The following NCOA2 variants were observed in gnomAD, a reference collection of about 807,000 sequenced individuals.
The protein encoded by NCOA2 is class E basic helix-loop-helix protein 75.
Under a neutral mutation model 145.1 loss-of-function variants are expected in NCOA2, and 21 were observed. The ratio of observed to expected loss-of-function variants is 0.14; its 90% CI spans 0.10 to 0.21. The LOEUF (loss-of-function observed/expected upper bound fraction) is 0.21, where lower values mean the gene tolerates loss of function less well. Ranked by LOEUF, NCOA2 falls within the 10% of genes least tolerant of loss-of-function variation. The pLI is 1.00. For missense variants in NCOA2, 1,472 were observed against 1,837.6 expected (o/e 0.80, Z 3.64); for synonymous variants, 619 against 637.5 (o/e 0.97, Z 0.44).
intron 1 of NCOA2, among the ~76,000 whole-genome samples, chr8:70,353,902 T>C (rs962249928): frequency 6.6e-6 from 1 of 152,172 alleles, no homozygotes; most frequent in Non-Finnish European, 1.5e-5. Context: ...AATGGTTAAA[T>C]ATGGTAATAT....
chr8:70,411,141 T>G, the NCOA2 span, among the ~76,000 whole-genome samples: 1 of 152,260 alleles, frequency 6.6e-6, no homozygotes, highest in East Asian at 1.9e-4. Flanking sequence ...ATGAAGTATA[T>G]TTACAGAAAG....
chr8:70,242,225 C>G (rs1240784986), intron 2 of NCOA2, among the ~76,000 whole-genome samples: 5 of 152,116 alleles, frequency 3.3e-5, no homozygotes, highest in Non-Finnish European at 7.4e-5. Flanking sequence ...TAGCTTCTAT[C>G]TCAACATACT....
intron 1 of NCOA2, among the ~76,000 whole-genome samples, chr8:70,324,541 T>C (rs1216627880): frequency 6.6e-6 from 1 of 151,942 alleles, no homozygotes; most frequent in African/African-American, 2.4e-5. Flanking sequence ...GGGTTCTCAC[T>C]ATGTTGTCAA....
At chr8:70,274,738 A>G (rs1037564906) in intron 2 of NCOA2, among the ~76,000 whole-genome samples, 1 of 152,246 alleles carries the variant, frequency 6.6e-6, no homozygotes, top group African/African-American at 2.4e-5. Context: ...AGAACACAGC[A>G]ATTATTCTAA....
chr8:70,228,177 T>C (rs755103857), intron 2 of NCOA2, among the ~76,000 whole-genome samples: 5 of 152,182 alleles, frequency 3.3e-5, no homozygotes, highest in Non-Finnish European at 7.4e-5. Context: ...CAATTTTTTC[T>C]CCCTCAAATG....
At chr8:70,283,206 A>T (rs1826008809) in intron 2 of NCOA2, among the ~76,000 whole-genome samples, 1 of 152,218 alleles carries the variant, frequency 6.6e-6, no homozygotes, top group African/African-American at 2.4e-5. Flanking sequence ...TCTAGGCAAA[A>T]ATCAGAAAAC....
intron 1 of NCOA2, among the ~76,000 whole-genome samples, chr8:70,316,216 T>A (rs1480442222): frequency 6.6e-6 from 1 of 152,184 alleles, no homozygotes; most frequent in Non-Finnish European, 1.5e-5. Flanking sequence ...TCTCGTTTCC[T>A]CTCGAGTCAA....
At chr8:70,389,021 T>TA in intron 1 of NCOA2, among the ~76,000 whole-genome samples, 1 of 152,346 alleles carries the variant, frequency 6.6e-6, no homozygotes, top group South Asian at 2.1e-4. Context: ...AGGTGCCTTT[T>TA]AAAGGAATAA....
intron 1 of NCOA2, among the ~76,000 whole-genome samples, chr8:70,403,337 TCGCCCGCGCCGCGGGCTGCAGCCTC>T (rs1258322419): frequency 6.0e-5 from 9 of 150,320 alleles, no homozygotes; most frequent in Non-Finnish European, 1.2e-4. Flanking sequence ...CGCTCACCTC[TCGCCCGCGCCGCGGGCTGCAGCCTC>T]CGCCCGCCTC....
Position 70,113,037 on chromosome 8 carries a change from G to C in NCOA2, c.*595C>G, listed in dbSNP as rs754729028. The C allele has an allele frequency of 1.0e-5, 2 of 200,424 alleles. No homozygotes were observed. The highest frequency in any genetic ancestry group is 2.1e-5 in the Non-Finnish European group (2 of 97,128). 12.4% of individuals were successfully genotyped at this position (200,424 alleles called of 1,614,324 possible). A position where few individuals can be genotyped will look rare whatever the true frequency, so the allele number is the denominator to read the frequency against. On this transcript the variant is annotated 3_prime_UTR_variant, in exon 23 of 23. Coordinates refer to ENST00000452400, the MANE Select transcript of NCOA2 (RefSeq NM_006540.4). ...CCAACATGGTCTTTAGAGCTTTCTAGAGATACGACTGTGACTTTGTTGGTC... is the reference window on the plus strand; with the variant it reads ...CCAACATGGTCTTTAGAGCTTTCTACAGATACGACTGTGACTTTGTTGGTC...
Position 70,202,523 on chromosome 8 carries a change from A to T in NCOA2, c.259+11380T>A, listed in dbSNP as rs115614666. Among the ~76,000 whole-genome samples the T allele has an allele frequency of 1.9e-3, 296 of 152,336 alleles. 2 individuals are homozygous for T. The highest frequency in any genetic ancestry group is 6.8e-3 in the African/African-American group (284 of 41,578). On this transcript the variant is annotated intron_variant, in intron 4 of 22. Transcript: ENST00000452400. ...CTTATTCAGGCTTAAAAAAAGAAGG[A>T]AATCCAGTCACATGCCACAAAATGG... is the stretch of plus-strand genomic sequence containing the variant.
At chr8:70,375,010 G>C (rs766667257) in intron 1 of NCOA2, among the ~76,000 whole-genome samples, 4 of 151,410 alleles carry the variant, frequency 2.6e-5, no homozygotes, top group African/African-American at 9.7e-5. Context: ...GTCACCCTAC[G>C]TCTGCATTTT....
the NCOA2 span, among the ~76,000 whole-genome samples, chr8:70,417,647 G>C: frequency 5.9e-5 from 9 of 152,260 alleles, no homozygotes; most frequent in African/African-American, 1.9e-4. Context: ...ATGTTACTCA[G>C]CTGATCGTGG....
chr8:70,432,522 G>A, the NCOA2 span, among the ~76,000 whole-genome samples: 1 of 152,070 alleles, frequency 6.6e-6, no homozygotes, highest in Admixed American at 6.6e-5. Flanking sequence ...AATTAACCAG[G>A]CCTAGGGGCA....
the NCOA2 span, among the ~76,000 whole-genome samples, chr8:70,409,348 G>T: frequency 1.3e-5 from 2 of 152,138 alleles, no homozygotes; most frequent in African/African-American, 4.8e-5. Context: ...ATTGGTGTAA[G>T]AATAGACAAA....
At chr8:70,158,691 G>A (rs527931682) in intron 10 of NCOA2, among the ~76,000 whole-genome samples, 1 of 152,248 alleles carries the variant, frequency 6.6e-6, no homozygotes, top group South Asian at 2.1e-4. Context: ...GGCAGAGGTT[G>A]CAGTGAGCTG....
intron 2 of NCOA2, among the ~76,000 whole-genome samples, chr8:70,252,160 C>A (rs1427279351): frequency 6.6e-6 from 1 of 152,120 alleles, no homozygotes; most frequent in African/African-American, 2.4e-5. Flanking sequence ...AACCTGCAAA[C>A]ATGGAGGGCT....
chr8:70,126,454 G>A, intron 19 of NCOA2, among the ~76,000 whole-genome samples: 1 of 152,120 alleles, frequency 6.6e-6, no homozygotes, highest in East Asian at 1.9e-4. Flanking sequence ...CAGACTCAGA[G>A]GCTTTCAAAT....
chr8:70,228,516 T>C (rs1263231368), intron 2 of NCOA2, among the ~76,000 whole-genome samples: 1 of 152,098 alleles, frequency 6.6e-6, no homozygotes, highest in African/African-American at 2.4e-5. Flanking sequence ...TCAAGAAAGG[T>C]AGCTTCTAGT....
Sources: gnomAD v4.1 joint callset for allele counts (sites outside exome capture counted in the v4.1 genomes callset) on GRCh38, gnomAD v4.1.1 for gene constraint, MANE v1.5 for transcripts, NCBI Gene and HGNC (gene_info 2026-07-23, HGNC 2026-07-21) for gene names.